ARHGAP8: variants seen among roughly 807,000 people sequenced by gnomAD.
The protein encoded by ARHGAP8 is Rho GTPase activating protein 8, also known as rho GTPase-activating protein 8.
Under a neutral mutation model 46.1 loss-of-function variants are expected in ARHGAP8, and 62 were observed. That is an observed-to-expected ratio of 1.34 (90% confidence interval 1.10 to 1.66). ARHGAP8 has a LOEUF of 1.66. Among genes scored for constraint, ARHGAP8 ranks in the 40% most tolerant of loss-of-function variants. The pLI, the probability that ARHGAP8 is intolerant of heterozygous loss-of-function variation, is 0.00. For missense variants in ARHGAP8, 923 were observed against 568.4 expected, an observed-to-expected ratio of 1.62 and a Z score of -6.34; for synonymous variants, 375 against 243.1, an observed-to-expected ratio of 1.54 and a Z score of -5.05.
chr22:44,796,807 C>T (rs1216472411), intron 2 of ARHGAP8, among the ~76,000 whole-genome samples: 3 of 152,190 alleles, frequency 2.0e-5, no homozygotes, highest in East Asian at 1.9e-4. Context: ...CCTTCCTGAG[C>T]TCTCCAAGTC....
Position 44,862,493 on chromosome 22 carries a change from G to A in ARHGAP8, c.1200G>A (p.Arg400=), listed in dbSNP as rs41278891. The change falls in exon 12 of 12, where the codon AGG becomes AGA. Residue 400 remains arginine (R), a synonymous_variant. Transcript: ENST00000356099. ...HGLAPWEQGS[R]AAPLQEAVPR... is the part of the protein sequence containing the mutation. ...TGGCACCATGGGAACAGGGGAGCAG[G>A]GCAGCCCCTTTGCAGGAGGCTGTGC... The A allele has an allele frequency of 1.2e-6, 2 of 1,613,506 alleles. No individual in the cohort carries two copies. The highest frequency in any genetic ancestry group is 1.3e-5 in the African/African-American group (1 of 74,890).
chr22:44,779,976 AG>A (rs750358984), intron 1 of ARHGAP8, among the ~76,000 whole-genome samples: 16 of 152,150 alleles, frequency 1.1e-4, no homozygotes, highest in Non-Finnish European at 2.2e-4. Flanking sequence ...CTTCTCCCTC[AG>A]GGTGTCAGAG....
chr22:44,859,388 T>C (rs1383618665), intron 10 of ARHGAP8, among the ~76,000 whole-genome samples: 1 of 152,216 alleles, frequency 6.6e-6, no homozygotes, highest in Non-Finnish European at 1.5e-5. Flanking sequence ...TTTTGCCACG[T>C]GATGCACCTC....
chr22:44,816,768 G>A (rs1436630820), intron 5 of ARHGAP8, among the ~76,000 whole-genome samples: 1 of 137,552 alleles, frequency 7.3e-6, no homozygotes, highest in Non-Finnish European at 1.5e-5. Context: ...TTGTGCCATT[G>A]CATTTCAGCC....
intron 1 of ARHGAP8, among the ~76,000 whole-genome samples, chr22:44,767,641 C>A (rs1018523379): frequency 2.6e-5 from 4 of 151,828 alleles, no homozygotes; most frequent in African/African-American, 9.7e-5. Context: ...GAAAACAACC[C>A]CCTACCACCT....
intron 7 of ARHGAP8, among the ~76,000 whole-genome samples, chr22:44,833,913 C>A (rs143712386): frequency 1.3e-5 from 2 of 152,046 alleles, no homozygotes; most frequent in African/African-American, 4.8e-5. Context: ...TTGTTCATTT[C>A]GTCTAGGTTT....
chr22:44,795,427 G>T (rs551595437), intron 2 of ARHGAP8, among the ~76,000 whole-genome samples: 4 of 152,192 alleles, frequency 2.6e-5, no homozygotes, highest in Admixed American at 2.0e-4. Context: ...AAGTTTCTCA[G>T]GTGGGAATTC....
rs372990413 is a variant in ARHGAP8, at chr22:44,828,749, G to A, written c.596+3156G>A. 2.2e-4 allele frequency among the ~76,000 whole-genome samples: 34 copies of A among 151,744 alleles called. 1 individual carries two copies. Among genetic ancestry groups the A allele is most frequent in the Non-Finnish European group, 1.0e-4 (7 of 67,958 alleles). On this transcript the variant is annotated intron_variant, in intron 7 of 11. Coordinates refer to ENST00000356099, the MANE Select transcript of ARHGAP8 (RefSeq NM_181335.3). ...AGGCGTCAGCCAGCACACCTAGCCC[G>A]GGCCAGGATATTCCAGCCATCAGGT...
intron 6 of ARHGAP8, among the ~76,000 whole-genome samples, chr22:44,823,488 T>C (rs575902956): frequency 5.8e-4 from 88 of 152,144 alleles, no homozygotes; most frequent in Non-Finnish European, 9.1e-4. Flanking sequence ...CAGGCAGAAG[T>C]TGGTGAACGT....
At chr22:44,766,681 G>T (rs1486347685) in intron 1 of ARHGAP8, among the ~76,000 whole-genome samples, 2 of 152,150 alleles carry the variant, frequency 1.3e-5, no homozygotes, top group East Asian at 3.9e-4. Flanking sequence ...CTCTCTCTGG[G>T]GGTCTTTGCT....
chr22:44,852,220 AAGGG>A (rs1434802560), intron 10 of ARHGAP8, among the ~76,000 whole-genome samples: 2 of 143,912 alleles, frequency 1.4e-5, no homozygotes, highest in Non-Finnish European at 3.0e-5. Context: ...AAAAAAAAGG[AAGGG>A]AGGAAGGAAG....
At chr22:44,821,947 AC>A (rs35237932) in intron 5 of ARHGAP8, among the ~76,000 whole-genome samples, 25,369 of 151,776 alleles carry the variant, frequency 0.17, 2,248 homozygotes, top group South Asian at 0.21. Flanking sequence ...GCCACCACTG[AC>A]CCCAAAACCG....
At chr22:44,795,062 C>T (rs980300778) in intron 2 of ARHGAP8, among the ~76,000 whole-genome samples, 3 of 145,242 alleles carry the variant, frequency 2.1e-5, no homozygotes, top group Non-Finnish European at 3.0e-5. Context: ...AAACAAAAAA[C>T]GAAATCTGTT....
chr22:44,800,023 TGTCTGCAGGCACGGAGGATG>T lies in ARHGAP8; in HGVS notation c.80-2042_80-2023del, dbSNP rs752811217. ...GGGGCTGGGAGAGGAGAGGCAGCTG[TGTCTGCAGGCACGGAGGATG>T]GTCTGCAGGCATGGAGGATGGTCTG... On this transcript the variant is annotated intron_variant, in intron 2 of 11. Transcript: ENST00000356099. 1.1e-4 allele frequency among the ~76,000 whole-genome samples: 16 copies of T among 148,426 alleles called. 1 individual carries two copies. Among genetic ancestry groups the T allele is most frequent in the Admixed American group, 4.1e-4 (6 of 14,796 alleles).
chr22:44,800,346 T>C (rs1928408286), intron 2 of ARHGAP8, among the ~76,000 whole-genome samples: 1 of 152,078 alleles, frequency 6.6e-6, no homozygotes, highest in Non-Finnish European at 1.5e-5. Context: ...CCTCAAGTGA[T>C]CTGCCCGCCT....
chr22:44,813,340 C>T (rs1288415702), intron 4 of ARHGAP8, among the ~76,000 whole-genome samples: 1 of 151,592 alleles, frequency 6.6e-6, no homozygotes, highest in African/African-American at 2.4e-5. Flanking sequence ...CAGACACCTA[C>T]ATATACATAC....
rs201042184 is a variant in ARHGAP8 at position 44,859,807 on chromosome 22, C to G, written c.954C>G (p.Leu318=). 35 of 1,613,942 alleles carry G rather than the reference C, an allele frequency of 2.2e-5. No homozygotes were observed. The highest frequency in any genetic ancestry group is 2.9e-5 in the Non-Finnish European group (34 of 1,180,028). ...RSLPEHNYVV[L]RYLMGFLHAV... ...TCCCAGAGCACAACTACGTCGTCCT[C>G]CGCTACCTCATGGGCTTCCTGCATG... is the stretch of plus-strand genomic sequence containing the variant. Residue 318 remains leucine, a synonymous_variant, in exon 11 of 12, where the codon CTC becomes CTG. Transcript: ENST00000356099.
intron 1 of ARHGAP8, among the ~76,000 whole-genome samples, chr22:44,775,955 A>G (rs1405537780): frequency 6.6e-6 from 1 of 152,186 alleles, no homozygotes; most frequent in African/African-American, 2.4e-5. Flanking sequence ...GCTTTGCCTC[A>G]TTCAGAAACC....
chr22:44,770,470 A>G lies in ARHGAP8; in HGVS notation c.-71-15987A>G, dbSNP rs555013579. 2.6e-5 allele frequency among the ~76,000 whole-genome samples: 4 copies of G among 151,424 alleles called. No homozygotes were observed. The East Asian group carries it at 5.9e-4, about 22-fold the overall frequency. ...ACCCAGGCTGGAGTGCAGTGATGCCATCTCGGCTCATTGCAACTTCTACCT... is the reference window on the plus strand; with the variant it reads ...ACCCAGGCTGGAGTGCAGTGATGCCGTCTCGGCTCATTGCAACTTCTACCT... On this transcript the variant is annotated intron_variant, in intron 1 of 11. Coordinates refer to ENST00000356099, the MANE Select transcript of ARHGAP8 (RefSeq NM_181335.3).
Sources: allele counts gnomAD v4.1 joint callset (sites outside exome capture counted in the v4.1 genomes callset), GRCh38; gene constraint gnomAD v4.1.1; transcripts MANE v1.5; gene names NCBI Gene and HGNC (gene_info 2026-07-23, HGNC 2026-07-21).